GBF1: variants seen among roughly 807,000 people sequenced by gnomAD.
GBF1 encodes golgi brefeldin A resistant guanine nucleotide exchange factor 1, also known as Golgi-specific brefeldin A-resistance guanine nucleotide exchange factor 1.
GBF1 carries 114 observed loss-of-function variants against 210.5 expected under a neutral mutation model. That is an observed-to-expected ratio of 0.54 (90% CI 0.47 to 0.63). GBF1 has a LOEUF of 0.63. Ranked by LOEUF, GBF1 falls within the 30% of genes least tolerant of loss-of-function variation. The pLI is 0.00. For synonymous variants in GBF1, 850 were observed against 889.2 expected (o/e 0.96, Z 0.78); for missense variants, 1,851 against 2,357.7 (o/e 0.79, Z 4.45).
chr10:102,352,012 A>G, intron 6 of GBF1, 61 bp downstream of exon 6: 1 of 917,184 alleles, frequency 1.1e-6, no homozygotes, highest in Non-Finnish European at 1.8e-6. Flanking sequence ...GTATGAATAC[A>G]GGAGGCTGTC....
chr10:102,238,420 C>T, the GBF1 span, among the ~76,000 whole-genome samples: 3 of 152,210 alleles, frequency 2.0e-5, no homozygotes, highest in South Asian at 6.2e-4. Context: ...AGATATTTGG[C>T]CTGGTAGACA....
intron 33 of GBF1, 47 bp downstream of exon 33, chr10:102,377,187 T>C: frequency 1.3e-6 from 2 of 1,503,984 alleles, no homozygotes; most frequent in Non-Finnish European, 1.8e-6. Flanking sequence ...CACCTGATAC[T>C]GGGAGCCTGG....
At chr10:102,374,139 C>T (rs902257088) in intron 29 of GBF1, among the ~76,000 whole-genome samples, 20 of 152,090 alleles carry the variant, frequency 1.3e-4, no homozygotes, top group African/African-American at 4.6e-4. Flanking sequence ...CACTTGAGGT[C>T]AGGAGTTCGA....
At chr10:102,381,836 A>AGG (rs2060874710) in intron 39 of GBF1, among the ~76,000 whole-genome samples, 1 of 150,694 alleles carries the variant, frequency 6.6e-6, no homozygotes, top group African/African-American at 2.4e-5. Context: ...AAAAAAAAAA[A>AGG]AAAAAAAAAA....
chr10:102,310,746 G>T (rs933455899), intron 3 of GBF1, among the ~76,000 whole-genome samples: 1 of 152,200 alleles, frequency 6.6e-6, no homozygotes, highest in Non-Finnish European at 1.5e-5. Context: ...GTGGGGCAGC[G>T]GCAAAGAGGC....
At chr10:102,253,774 A>G (rs536387613) in intron 1 of GBF1, among the ~76,000 whole-genome samples, 6 of 152,352 alleles carry the variant, frequency 3.9e-5, no homozygotes, top group African/African-American at 1.4e-4. Context: ...TCGGCCTCCT[A>G]AAATGCTGGA....
At position 102,358,501 on chromosome 10, in the gene GBF1, G is replaced by A; in HGVS notation, c.788-5G>A. 2.5e-6 allele frequency: 4 copies of A among 1,604,692 alleles called. 1 individual carries two copies. The South Asian group carries it at 4.4e-5, about 18-fold the overall frequency. On this transcript the variant is annotated splice_polypyrimidine_tract_variant and splice_region_variant and intron_variant, in intron 9 of 39. Transcript: ENST00000369983. Reference sequence around the variant, plus strand: ...CCTTCAAGCGTCACATACTTTTCTTGGCAGGTGGCATGCCCTTCATTGATG... The same window carrying A: ...CCTTCAAGCGTCACATACTTTTCTTAGCAGGTGGCATGCCCTTCATTGATG...
chr10:102,273,799 C>T (rs552538707), intron 3 of GBF1, among the ~76,000 whole-genome samples: 3 of 152,256 alleles, frequency 2.0e-5, no homozygotes, highest in South Asian at 2.1e-4. Context: ...CTATTTGAGT[C>T]GTTATAATCC....
intron 3 of GBF1, among the ~76,000 whole-genome samples, chr10:102,307,341 A>G (rs1458334692): frequency 6.6e-6 from 1 of 151,970 alleles, no homozygotes; most frequent in Non-Finnish European, 1.5e-5. Flanking sequence ...GCTGAGTTTG[A>G]ATTTTTTAAC....
In GBF1 at chr10:102,260,051, A is replaced by G. The variant is rs777289121; in HGVS notation, c.98A>G (p.Asp33Gly). The G allele has an allele frequency of 6.4e-7, 1 of 1,570,184 alleles. No homozygotes were observed. Among genetic ancestry groups the G allele is most frequent in the South Asian group, 1.1e-5 (1 of 89,942 alleles). ...TACTTTAATCTATGTGTTCTACAGG[A>G]TGAAGAACGGGATCCTCTGCTGCAT... ...NARWSTHTPL[D>G]EERDPLLHSF... Residue 33 changes from aspartate (D) to glycine (G), a missense_variant and splice_region_variant, in exon 3 of 40, where the codon GAT becomes GGT. Physicochemically the swap from Asp to Gly is moderately conservative, Grantham distance 94. Coordinates refer to ENST00000369983, the MANE Select transcript of GBF1 (RefSeq NM_001377137.1).
rs576666602 is a variant in GBF1 at position 102,305,384 on chromosome 10, A to C, written c.164-38667A>C. Reference sequence around the variant, plus strand: ...TCCCAGCACTTTGGGAGGCCAAGACAGGCAGATCACTTGAGGTCAGCAGTT... The same window carrying C: ...TCCCAGCACTTTGGGAGGCCAAGACCGGCAGATCACTTGAGGTCAGCAGTT... On this transcript the variant is annotated intron_variant, in intron 3 of 39. Transcript: ENST00000369983. Among the ~76,000 whole-genome samples, 3 of 152,230 alleles carry C rather than the reference A, an allele frequency of 2.0e-5. No individual in the cohort carries two copies. In the South Asian group the frequency reaches 6.2e-4, roughly 32 times the overall value.
chr10:102,273,212 G>T (rs910249118), intron 3 of GBF1, among the ~76,000 whole-genome samples: 1 of 152,008 alleles, frequency 6.6e-6, no homozygotes, highest in African/African-American at 2.4e-5. Context: ...ATGGTGGCAC[G>T]TGCCAGCTAC....
At chr10:102,231,941 C>T in the GBF1 span, 4 of 1,593,018 alleles carry the variant, frequency 2.5e-6, no homozygotes, top group African/African-American at 1.3e-5. Flanking sequence ...TGTCCTGCAC[C>T]CCCGGAAGGG....
chr10:102,301,776 C>T lies in GBF1; in HGVS notation c.163+41660C>T, dbSNP rs1311942975. Among the ~76,000 whole-genome samples the T allele has an allele frequency of 7.3e-4, 111 of 151,362 alleles. 1 individual carries two copies. Among genetic ancestry groups the T allele is most frequent in the African/African-American group, 2.6e-3 (106 of 41,250 alleles). On this transcript the variant is annotated intron_variant, in intron 3 of 39. Coordinates refer to ENST00000369983, the MANE Select transcript of GBF1 (RefSeq NM_001377137.1). ...GCCGGGAAGAGGCGCTCCTCACTTC[C>T]CAGACTGGGCAGCTGGGCAGAGGGG...
intron 5 of GBF1, 109 bp from the exon 6 acceptor site, chr10:102,351,732 CCT>C (rs2058991376): frequency 1.4e-6 from 1 of 689,798 alleles, no homozygotes; most frequent in South Asian, 1.6e-5. Flanking sequence ...TTCTTGGAGA[CCT>C]CTCTACCAAG....
intron 29 of GBF1, among the ~76,000 whole-genome samples, chr10:102,374,506 G>C (rs772115915): frequency 6.6e-6 from 1 of 151,994 alleles, no homozygotes; most frequent in Non-Finnish European, 1.5e-5. Context: ...GATCACTTGC[G>C]CCCAGGAGTT....
chr10:102,281,593 CTT>C (rs1024163334), intron 3 of GBF1, among the ~76,000 whole-genome samples: 12 of 149,076 alleles, frequency 8.0e-5, no homozygotes, highest in Admixed American at 4.7e-4. Flanking sequence ...TATATTATAA[CTT>C]AGACTCATAC....
At position 102,325,305 on chromosome 10, in the gene GBF1, T is replaced by C. The variant is rs528770966; in HGVS notation, c.164-18746T>C. Among the ~76,000 whole-genome samples the C allele has an allele frequency of 7.2e-4, 109 of 152,168 alleles. 1 individual carries two copies. Among genetic ancestry groups the C allele is most frequent in the Non-Finnish European group, 8.8e-5 (6 of 67,986 alleles). On this transcript the variant is annotated intron_variant, in intron 3 of 39. Transcript: ENST00000369983. ...GGCTCACGCCTGTAATCCCAGCACT[T>C]TGGGAGGCCAAGGCAGGCGGATCAC...
At chr10:102,298,651 A>G (rs1010797285) in intron 3 of GBF1, among the ~76,000 whole-genome samples, 2 of 152,184 alleles carry the variant, frequency 1.3e-5, no homozygotes, top group African/African-American at 4.8e-5. Flanking sequence ...TGTATGTATC[A>G]TCTCATTGAG....
Sources: allele counts gnomAD v4.1 joint callset (sites outside exome capture counted in the v4.1 genomes callset), GRCh38; gene constraint gnomAD v4.1.1; transcripts MANE v1.5; gene names NCBI Gene and HGNC (gene_info 2026-07-23, HGNC 2026-07-21).